PPP1R9A: variants seen among roughly 807,000 people sequenced by gnomAD.
The protein encoded by PPP1R9A is protein phosphatase 1 regulatory subunit 9A, also known as neurabin-1.
A neutral mutation model predicts 141.9 loss-of-function variants in PPP1R9A; 59 were observed. The ratio of observed to expected loss-of-function variants is 0.42; its 90% confidence interval spans 0.34 to 0.52. The LOEUF (loss-of-function observed/expected upper bound fraction) is 0.52, where lower values mean the gene tolerates loss of function less well. PPP1R9A is among the 20% of genes least tolerant of loss of function. PPP1R9A has a pLI of 0.10. For synonymous variants in PPP1R9A, 500 were observed against 569.7 expected (o/e 0.88, Z 1.74); for missense variants, 1,444 against 1,611.9 (o/e 0.90, Z 1.78).
chr7:95,103,356 T>G (rs1006746378), intron 2 of PPP1R9A, among the ~76,000 whole-genome samples: 1 of 141,202 alleles, frequency 7.1e-6, no homozygotes, highest in Non-Finnish European at 1.5e-5. Context: ...TGGTTTTTTT[T>G]CACTTCTTTT....
intron 16 of PPP1R9A, among the ~76,000 whole-genome samples, chr7:95,277,747 G>T (rs1251705265): frequency 1.3e-5 from 2 of 152,214 alleles, no homozygotes; most frequent in Admixed American, 6.5e-5. Context: ...TTTTAAACAG[G>T]CAGCATAGCA....
intron 5 of PPP1R9A, among the ~76,000 whole-genome samples, chr7:95,178,441 A>G (rs973232478): frequency 1.3e-5 from 2 of 152,110 alleles, no homozygotes; most frequent in Non-Finnish European, 2.9e-5. Context: ...CTGAAAGAGC[A>G]CAAACTGATC....
chr7:94,935,222 G>T (rs887706135), intron 2 of PPP1R9A, among the ~76,000 whole-genome samples: 2 of 152,006 alleles, frequency 1.3e-5, no homozygotes, highest in African/African-American at 2.4e-5. Context: ...TCATCTCTCC[G>T]CCAAAGTATG....
intron 2 of PPP1R9A, among the ~76,000 whole-genome samples, chr7:95,077,096 G>C (rs775486575): frequency 6.6e-6 from 1 of 151,770 alleles, no homozygotes; most frequent in South Asian, 2.1e-4. Context: ...ATATAGAGTT[G>C]GCTTTTGATT....
intron 4 of PPP1R9A, among the ~76,000 whole-genome samples, chr7:95,132,695 G>A (rs974865266): frequency 6.6e-6 from 1 of 151,992 alleles, no homozygotes; most frequent in African/African-American, 2.4e-5. Context: ...CTGCTCACCC[G>A]CCCGCTGCAG....
At chr7:95,113,697 C>G (rs969404587) in intron 3 of PPP1R9A, among the ~76,000 whole-genome samples, 2 of 152,148 alleles carry the variant, frequency 1.3e-5, no homozygotes, top group Non-Finnish European at 2.9e-5. Flanking sequence ...AAGCATTTAC[C>G]TATCCTGGTG....
chr7:94,972,431 A>G (rs1798955207), intron 2 of PPP1R9A, among the ~76,000 whole-genome samples: 1 of 151,820 alleles, frequency 6.6e-6, no homozygotes, highest in Non-Finnish European at 1.5e-5. Flanking sequence ...TTTCCCTGCA[A>G]ATGTGACAGG....
At chr7:94,965,459 T>C (rs777457068) in intron 2 of PPP1R9A, among the ~76,000 whole-genome samples, 5 of 152,038 alleles carry the variant, frequency 3.3e-5, no homozygotes, top group Non-Finnish European at 5.9e-5. Flanking sequence ...TTAGGTCTTA[T>C]GTTTAAGTCT....
At chr7:95,112,608 ATGTT>A (rs570963663) in intron 3 of PPP1R9A, among the ~76,000 whole-genome samples, 1 of 152,332 alleles carries the variant, frequency 6.6e-6, no homozygotes, top group South Asian at 2.1e-4. Flanking sequence ...TTGTGCTTGT[ATGTT>A]TAACAGAATA....
rs771877480 is a variant in PPP1R9A at position 94,911,166 on chromosome 7, G to A, written c.1053G>A (p.Leu351=). 1 of 1,614,184 alleles carries A rather than the reference G, an allele frequency of 6.2e-7. No individual in the cohort carries two copies. Among genetic ancestry groups the A allele is most frequent in the Non-Finnish European group, 8.5e-7 (1 of 1,180,024 alleles). The change falls in exon 2 of 20, where the codon TTG becomes TTA. Residue 351 remains leucine, a synonymous_variant. Coordinates refer to ENST00000433360, the MANE Select transcript of PPP1R9A (RefSeq NM_001166160.2). ...TGTTAGAAGATGCTGAAGCTAATTT[G>A]GTTGGAAGGGAGGCAGCAAAGCAAC... ...SQLLEDAEAN[L]VGREAAKQQR...
Position 94,910,347 on chromosome 7 carries a change from C to A in PPP1R9A, c.234C>A (p.Asn78Lys). ...NLFMQMGMEP[N>K]ENAAVIAKTR... The stretch of plus-strand genomic sequence containing the variant: ...TTATGCAGATGGGTATGGAACCCAA[C>A]GAGAATGCTGCAGTCATTGCCAAAA... Residue 78 changes from asparagine to lysine, a missense_variant, in exon 2 of 20, where the codon AAC (asparagine) becomes AAA (lysine). Around this residue, in one of 5 missense-constraint regions of PPP1R9A, gnomAD observed 490 missense variants for 521.1 expected, o/e 0.94. Transcript: ENST00000433360. The surrounding 1 kb of genome is among the most constrained non-coding windows in gnomAD (Gnocchi z 4.5). The A allele has an allele frequency of 1.2e-6, 2 of 1,614,014 alleles. No individual in the cohort carries two copies. Among genetic ancestry groups the A allele is most frequent in the African/African-American group, 1.3e-5 (1 of 74,996 alleles).
chr7:95,080,024 G>C (rs1815545849), intron 2 of PPP1R9A, among the ~76,000 whole-genome samples: 1 of 152,128 alleles, frequency 6.6e-6, no homozygotes, highest in African/African-American at 2.4e-5. Flanking sequence ...TTGAAAACTG[G>C]CACAAGACAG....
At chr7:94,950,836 TC>T (rs1428907754) in intron 2 of PPP1R9A, among the ~76,000 whole-genome samples, 1 of 152,130 alleles carries the variant, frequency 6.6e-6, no homozygotes, top group Non-Finnish European at 1.5e-5. Context: ...AGCCTCAACT[TC>T]CTAGACTTCA....
chr7:95,104,664 A>G lies in PPP1R9A; in HGVS notation c.1396-6595A>G, dbSNP rs6965445. Among the ~76,000 whole-genome samples, 865 of 152,274 alleles carry G rather than the reference A, an allele frequency of 5.7e-3. 11 individuals carry two copies. Among genetic ancestry groups the G allele is most frequent in the African/African-American group, 0.02 (815 of 41,552 alleles). On this transcript the variant is annotated intron_variant, in intron 2 of 19. Coordinates refer to ENST00000433360, the MANE Select transcript of PPP1R9A (RefSeq NM_001166160.2). Reference sequence around the variant, plus strand: ...CTCCCGGGCACACACTGGACAATCAATACACTAGATAATTCTACCTATTGT... The same window carrying G: ...CTCCCGGGCACACACTGGACAATCAGTACACTAGATAATTCTACCTATTGT...
At chr7:95,213,170 TTA>T (rs1792501605) in intron 7 of PPP1R9A, among the ~76,000 whole-genome samples, 1 of 152,026 alleles carries the variant, frequency 6.6e-6, no homozygotes, top group Admixed American at 6.6e-5. Flanking sequence ...ATGTTTCAGA[TTA>T]TCTTTCCAAT....
At chr7:94,996,797 G>A (rs1410830106) in intron 2 of PPP1R9A, among the ~76,000 whole-genome samples, 2 of 119,986 alleles carry the variant, frequency 1.7e-5, no homozygotes, top group Non-Finnish European at 3.3e-5. Flanking sequence ...CAGATACTCT[G>A]TGTTTTTTTT....
intron 2 of PPP1R9A, chr7:95,036,733 G>A (rs1422375616): frequency 6.6e-6 from 1 of 152,206 alleles, no homozygotes; most frequent in Non-Finnish European, 1.5e-5. Flanking sequence ...CATTATCTTA[G>A]ATGAATTGCT....
chr7:95,053,893 A>G lies in PPP1R9A; in HGVS notation c.1396-57366A>G, dbSNP rs150070533. Among the ~76,000 whole-genome samples, 533 of 152,318 alleles carry G rather than the reference A, an allele frequency of 3.5e-3. 5 individuals carry two copies. The highest frequency in any genetic ancestry group is 0.012 in the African/African-American group (484 of 41,582). On this transcript the variant is annotated intron_variant, in intron 2 of 19. Transcript: ENST00000433360. ...TCATTATACATTGCTCTATAGAAGT[A>G]TATAGCGTTCAGCTCAGACAGGTCT...
At chr7:95,091,320 T>TTTGCCTTG (rs1335676578) in intron 2 of PPP1R9A, among the ~76,000 whole-genome samples, 1 of 150,840 alleles carries the variant, frequency 6.6e-6, no homozygotes, top group Non-Finnish European at 1.5e-5. Context: ...GGTCTGTCTC[T>TTTGCCTTG]TTGCCTTGTT....
Sources: gnomAD v4.1 joint callset for allele counts (sites outside exome capture counted in the v4.1 genomes callset) on GRCh38, gnomAD v4.1.1 for gene constraint, gnomAD v4.1.1 regional missense constraint, Gnocchi (gnomAD v3.1) non-coding constraint, MANE v1.5 for transcripts, NCBI Gene and HGNC (gene_info 2026-07-23, HGNC 2026-07-21) for gene names.